Variants in SMAD2 observed in about 807,000 individuals in gnomAD.
The protein encoded by SMAD2 is MAD homolog 2.
Under a neutral mutation model 64.4 loss-of-function variants are expected in SMAD2, and 8 were observed. The ratio of observed to expected loss-of-function variants is 0.12; its 90% CI spans 0.07 to 0.22. SMAD2 has a LOEUF of 0.22. Among genes scored for constraint, SMAD2 ranks in the 10% least tolerant of loss-of-function variants. The probability of loss-of-function intolerance (pLI) is 1.00; values close to 1 mark genes in which losing one functional copy is unlikely to be tolerated. For synonymous variants in SMAD2, 203 were observed against 195.8 expected, an observed-to-expected ratio of 1.04 and a Z score of -0.31; for missense variants, 289 against 561.2, an observed-to-expected ratio of 0.51 and a Z score of 4.90.
At chr18:47,869,474 T>TAAA (rs34501809) in intron 3 of SMAD2, 38 bp from the exon 4 acceptor site, 545 of 1,065,174 alleles carry the variant, frequency 5.1e-4, no homozygotes, top group South Asian at 1.1e-3. Flanking sequence ...GAGGGAACTT[T>TAAA]AAAAAAAAAA....
At chr18:47,845,579 A>T (rs1254034216) in intron 9 of SMAD2, 84 bp downstream of exon 9, 1 of 1,566,772 alleles carries the variant, frequency 6.4e-7, no homozygotes, top group Non-Finnish European at 8.8e-7. Context: ...TGAGCATGCA[A>T]TCATCTACTG....
In SMAD2 at chr18:47,822,584, G is replaced by A. The variant is rs1225962763; in HGVS notation, c.*19243C>T. ...AAGAAATTCTCTCATGCTATCTATA[G>A]TTTACAGCAATTTGGAATACTTTTG... On this transcript the variant is annotated 3_prime_UTR_variant, in exon 11 of 11. Coordinates refer to ENST00000262160, the MANE Select transcript of SMAD2 (RefSeq NM_005901.6). 6.6e-6 allele frequency: 1 copy of A among 152,170 alleles called. No individual in the cohort carries two copies. The highest frequency in any genetic ancestry group is 2.4e-5 in the African/African-American group (1 of 41,432). The allele number at this position is 152,170 out of a possible 1,614,324, so 9.4% of individuals were successfully genotyped here. A position where few individuals can be genotyped will look rare whatever the true frequency, so the allele number is the denominator to read the frequency against.
chr18:47,897,061 A>G (rs1478499472), intron 1 of SMAD2, among the ~76,000 whole-genome samples: 3 of 152,226 alleles, frequency 2.0e-5, no homozygotes, highest in Admixed American at 2.0e-4. Flanking sequence ...GTAAAATCAG[A>G]TACTTTTAAC....
At chr18:47,869,166 G>A (rs1222681172) in intron 4 of SMAD2, 77 bp downstream of exon 4, 1 of 1,035,656 alleles carries the variant, frequency 9.7e-7, no homozygotes, top group Non-Finnish European at 1.5e-6. Flanking sequence ...AATTTTCCTG[G>A]GTCACAAGAG....
At chr18:47,865,906 TG>T (rs756738651) in intron 5 of SMAD2, among the ~76,000 whole-genome samples, 6 of 152,218 alleles carry the variant, frequency 3.9e-5, no homozygotes, top group Non-Finnish European at 7.3e-5. Context: ...TTTAATCAAC[TG>T]TAATTCCAGG....
rs1913960064 is a variant in SMAD2, at chr18:47,841,606, C to A, written c.*221G>T. ...GACATCATTAAGTCTTTAAAATCTT[C>A]TCTTCCTCTTTAATGGGAGAGTATT... On this transcript the variant is annotated 3_prime_UTR_variant, in exon 11 of 11. Transcript: ENST00000262160. The A allele has an allele frequency of 1.7e-6, 1 of 574,768 alleles. No individual in the cohort carries two copies. The highest frequency in any genetic ancestry group is 2.9e-5 in the Admixed American group (1 of 34,234). The allele number at this position is 574,768 out of a possible 1,614,324, so 35.6% of individuals were successfully genotyped here. A position where few individuals can be genotyped will look rare whatever the true frequency, so the allele number is the denominator to read the frequency against.
In SMAD2 at chr18:47,906,621, A is replaced by C. The variant is rs565551592; in HGVS notation, c.-53-9812T>G. On this transcript the variant is annotated intron_variant, in intron 1 of 10. Transcript: ENST00000262160. The stretch of plus-strand genomic sequence containing the variant: ...TATACTACTGCTGCTGTAACAAATA[A>C]TCGCAATCACAGCACAAATTTAGCA... 1.9e-3 allele frequency among the ~76,000 whole-genome samples: 293 copies of C among 152,340 alleles called. 1 individual carries two copies. Among genetic ancestry groups the C allele is most frequent in the African/African-American group, 6.9e-3 (287 of 41,588 alleles).
intron 1 of SMAD2, among the ~76,000 whole-genome samples, chr18:47,920,991 C>G (rs1200944957): frequency 2.6e-5 from 4 of 152,162 alleles, no homozygotes; most frequent in Admixed American, 6.5e-5. Flanking sequence ...CCCACCTCTA[C>G]AAAAAATTTT....
At chr18:47,864,134 A>T (rs574942291) in intron 6 of SMAD2, among the ~76,000 whole-genome samples, 2 of 152,162 alleles carry the variant, frequency 1.3e-5, no homozygotes, top group African/African-American at 2.4e-5. Flanking sequence ...GGAAAGTCAA[A>T]TATTATTTGC....
At position 47,826,560 on chromosome 18, in the gene SMAD2, A is replaced by G. The variant is rs1598724808; in HGVS notation, c.*15267T>C. 6.6e-6 allele frequency: 1 copy of G among 152,252 alleles called. No homozygotes were observed. The highest frequency in any genetic ancestry group is 2.4e-5 in the African/African-American group (1 of 41,464). 9.4% of individuals were successfully genotyped at this position (152,252 alleles called of 1,614,324 possible). On this transcript the variant is annotated 3_prime_UTR_variant, in exon 11 of 11. Coordinates refer to ENST00000262160, the MANE Select transcript of SMAD2 (RefSeq NM_005901.6). ...ATAGGAGGCATGTGGAAAAATGCCA[A>G]GTCCTTCCAGGTGAGGCCAACTCCC...
In SMAD2 at chr18:47,821,410, A is replaced by C. The variant is rs893202697; in HGVS notation, c.*20417T>G. On this transcript the variant is annotated 3_prime_UTR_variant, in exon 11 of 11. Coordinates refer to ENST00000262160, the MANE Select transcript of SMAD2 (RefSeq NM_005901.6). ...GTTCTGTAGAAGGCCTAGAAAAGCA[A>C]TGTTTTCCTCCAGTATAACTTGATT... 2 of 152,208 alleles carry C rather than the reference A, an allele frequency of 1.3e-5. No individual in the cohort carries two copies. The highest frequency in any genetic ancestry group is 4.8e-5 in the African/African-American group (2 of 41,450). 9.4% of individuals were successfully genotyped at this position (152,208 alleles called of 1,614,324 possible). A position where few individuals can be genotyped will look rare whatever the true frequency, so the allele number is the denominator to read the frequency against.
intron 2 of SMAD2, among the ~76,000 whole-genome samples, chr18:47,888,868 C>T (rs2033045911): frequency 6.6e-6 from 1 of 152,076 alleles, no homozygotes; most frequent in Admixed American, 6.5e-5. Context: ...ACAGATGATC[C>T]AGACATTAGA....
At chr18:47,912,774 G>A (rs2034186645) in intron 1 of SMAD2, among the ~76,000 whole-genome samples, 1 of 141,202 alleles carries the variant, frequency 7.1e-6, no homozygotes, top group Non-Finnish European at 1.5e-5. Flanking sequence ...CTCCCTACAA[G>A]TATCTGTATC....
At chr18:47,919,378 G>A (rs569860934) in intron 1 of SMAD2, among the ~76,000 whole-genome samples, 7 of 150,716 alleles carry the variant, frequency 4.6e-5, no homozygotes, top group African/African-American at 1.5e-4. Context: ...ATCTACACTC[G>A]AACCCAGGAG....
chr18:47,865,301 C>T (rs1353064564), intron 5 of SMAD2, among the ~76,000 whole-genome samples, 168 bp from the exon 6 acceptor site: 1 of 152,004 alleles, frequency 6.6e-6, no homozygotes, highest in Non-Finnish European at 1.5e-5. Context: ...AGGATCTTGT[C>T]CAAATTTTGC....
chr18:47,900,887 G>C (rs1441637889), intron 1 of SMAD2, among the ~76,000 whole-genome samples: 2 of 152,058 alleles, frequency 1.3e-5, no homozygotes, highest in East Asian at 3.8e-4. Context: ...AGGCAGCTAG[G>C]AATTTTCTAG....
chr18:47,866,471 A>G (rs1233931540), intron 5 of SMAD2, among the ~76,000 whole-genome samples: 1 of 152,108 alleles, frequency 6.6e-6, no homozygotes, highest in Non-Finnish European at 1.5e-5. Flanking sequence ...TTTTAAAACA[A>G]AAATTCTAAG....
chr18:47,858,964 A>G (rs1217004199), intron 6 of SMAD2, among the ~76,000 whole-genome samples: 1 of 152,186 alleles, frequency 6.6e-6, no homozygotes, highest in East Asian at 1.9e-4. Flanking sequence ...TAAAAGACAA[A>G]AATTGTTAGA....
In SMAD2 at chr18:47,830,686, T is replaced by A. The variant is rs180711616; in HGVS notation, c.*11141A>T. The stretch of plus-strand genomic sequence containing the variant: ...TAAAATCTTATTTACATGGTACTTA[T>A]GTAGTTTGATCAAATACTGCCACAA... On this transcript the variant is annotated 3_prime_UTR_variant, in exon 11 of 11. Coordinates refer to ENST00000262160, the MANE Select transcript of SMAD2 (RefSeq NM_005901.6). 3.3e-5 allele frequency: 5 copies of A among 152,638 alleles called. No individual in the cohort carries two copies. Among genetic ancestry groups the A allele is most frequent in the Admixed American group, 2.6e-4 (4 of 15,290 alleles). The allele number at this position is 152,638 out of a possible 1,614,324, so 9.5% of individuals were successfully genotyped here.
Sources: allele counts gnomAD v4.1 joint callset (sites outside exome capture counted in the v4.1 genomes callset), GRCh38; gene constraint gnomAD v4.1.1; transcripts MANE v1.5; gene names NCBI Gene and HGNC (gene_info 2026-07-23, HGNC 2026-07-21).